CSMD1: variants seen among roughly 807,000 people sequenced by gnomAD.
The protein encoded by CSMD1 is CUB and sushi domain-containing protein 1.
In CSMD1, 213 loss-of-function variants were observed where a neutral mutation model predicts 417.5. The observed-to-expected ratio is 0.51, with a 90% CI of 0.46 to 0.57. CSMD1 has a LOEUF of 0.57. Ranked by LOEUF, CSMD1 falls within the 20% of genes least tolerant of loss-of-function variation. The pLI, the probability that CSMD1 is intolerant of heterozygous loss-of-function variation, is 0.00. For missense variants in CSMD1, 6,923 were observed against 4,529.7 expected (o/e 1.53, Z -15.17); for synonymous variants, 2,862 against 1,736.8 (o/e 1.65, Z -16.11).
chr8:3,952,016 C>A (rs1288886667), intron 5 of CSMD1, among the ~76,000 whole-genome samples: 1 of 152,004 alleles, frequency 6.6e-6, no homozygotes, highest in Non-Finnish European at 1.5e-5. Context: ...CATTTATGTC[C>A]AAGATGGATG....
intron 5 of CSMD1, among the ~76,000 whole-genome samples, chr8:3,990,565 A>T (rs144173325): frequency 6.6e-6 from 1 of 152,228 alleles, no homozygotes; most frequent in African/African-American, 2.4e-5. Context: ...ATAAATTAGA[A>T]AAGTGTCCCA....
chr8:3,492,405 G>C (rs914531997), intron 11 of CSMD1, among the ~76,000 whole-genome samples: 1 of 152,134 alleles, frequency 6.6e-6, no homozygotes, highest in Non-Finnish European at 1.5e-5. Context: ...GGCATCCTCA[G>C]TAGTATATAA....
chr8:4,190,021 G>A (rs894498786), intron 3 of CSMD1, among the ~76,000 whole-genome samples: 4 of 151,792 alleles, frequency 2.6e-5, no homozygotes, highest in African/African-American at 9.7e-5. Flanking sequence ...CACTTTGGGA[G>A]GCCAAGGCAG....
chr8:4,651,920 T>C (rs368643733), intron 1 of CSMD1, among the ~76,000 whole-genome samples: 5 of 152,214 alleles, frequency 3.3e-5, no homozygotes, highest in African/African-American at 7.2e-5. Flanking sequence ...TGTGCTAGTA[T>C]GATTTAGAGA....
At position 3,263,201 on chromosome 8, in the gene CSMD1, C is replaced by T. The variant is rs571564451; in HGVS notation, c.4153+20943G>A. Among the ~76,000 whole-genome samples, 145 of 152,248 alleles carry T rather than the reference C, an allele frequency of 9.5e-4. 1 individual carries two copies. In the Middle Eastern group the frequency reaches 0.01, roughly 11 times the overall value. On this transcript the variant is annotated intron_variant, in intron 26 of 69. Coordinates refer to ENST00000635120, the MANE Select transcript of CSMD1 (RefSeq NM_033225.6). Reference sequence around the variant, plus strand: ...GCAACCCCTGCCTCCTGGGTTCAAGCGATTCTCCTGCCTCAGCCTCCCGAG... The same window carrying T: ...GCAACCCCTGCCTCCTGGGTTCAAGTGATTCTCCTGCCTCAGCCTCCCGAG...
chr8:3,936,240 G>C (rs528363343), intron 5 of CSMD1, among the ~76,000 whole-genome samples: 6 of 151,252 alleles, frequency 4.0e-5, no homozygotes, highest in African/African-American at 1.2e-4. Context: ...AGCAGCAAGT[G>C]ATGATGGAAA....
intron 12 of CSMD1, among the ~76,000 whole-genome samples, chr8:3,435,545 T>C (rs11776630): frequency 6.6e-6 from 1 of 152,098 alleles, no homozygotes; most frequent in African/African-American, 2.4e-5. Flanking sequence ...CCTCTCCGCC[T>C]GCATGGAGAC....
At chr8:3,896,657 G>A (rs540962453) in intron 5 of CSMD1, among the ~76,000 whole-genome samples, 56 of 151,954 alleles carry the variant, frequency 3.7e-4, no homozygotes, top group African/African-American at 1.1e-3. Context: ...GACTACAGGC[G>A]CCCGCCACCA....
chr8:4,964,716 A>G (rs1424733260), intron 1 of CSMD1, among the ~76,000 whole-genome samples: 1 of 152,118 alleles, frequency 6.6e-6, no homozygotes, highest in Non-Finnish European at 1.5e-5. Context: ...ATGGTCACTA[A>G]GCCAAACTGA....
At chr8:4,163,979 G>C (rs949915461) in intron 3 of CSMD1, among the ~76,000 whole-genome samples, 7 of 152,102 alleles carry the variant, frequency 4.6e-5, no homozygotes, top group Admixed American at 6.6e-5. Flanking sequence ...GTGGTGATGT[G>C]GGATTGAGGA....
chr8:3,143,669 C>A (rs1162471556), intron 40 of CSMD1, among the ~76,000 whole-genome samples: 6 of 152,186 alleles, frequency 3.9e-5, no homozygotes, highest in African/African-American at 1.4e-4. Context: ...ACTGAGCCAA[C>A]TAACAGCAGT....
At chr8:4,105,385 G>T (rs1187375915) in intron 3 of CSMD1, among the ~76,000 whole-genome samples, 1 of 151,994 alleles carries the variant, frequency 6.6e-6, no homozygotes, top group African/African-American at 2.4e-5. Flanking sequence ...CTATGAATAA[G>T]AAGGTGTTTA....
At chr8:3,953,756 C>T (rs1483192390) in intron 5 of CSMD1, among the ~76,000 whole-genome samples, 1 of 152,072 alleles carries the variant, frequency 6.6e-6, no homozygotes, top group Non-Finnish European at 1.5e-5. Flanking sequence ...AGCTGCTCCA[C>T]GTGACAGCTG....
chr8:3,573,423 C>T (rs1000554128), intron 10 of CSMD1, among the ~76,000 whole-genome samples: 2 of 152,194 alleles, frequency 1.3e-5, no homozygotes, highest in African/African-American at 4.8e-5. Context: ...ACGGCTCTAG[C>T]ATACTGAGAA....
intron 10 of CSMD1, among the ~76,000 whole-genome samples, chr8:3,504,348 T>G (rs1796735283): frequency 6.6e-6 from 1 of 152,164 alleles, no homozygotes; most frequent in Non-Finnish European, 1.5e-5. Flanking sequence ...AAAGAATTGT[T>G]TAACCTTTCT....
chr8:3,544,619 G>T (rs753049324), intron 10 of CSMD1, among the ~76,000 whole-genome samples: 1 of 152,086 alleles, frequency 6.6e-6, no homozygotes, highest in Non-Finnish European at 1.5e-5. Flanking sequence ...AAAGGCGGGG[G>T]CCCTGGGAAC....
chr8:3,423,515 C>T (rs1036342540), intron 12 of CSMD1, among the ~76,000 whole-genome samples: 1 of 152,132 alleles, frequency 6.6e-6, no homozygotes, highest in African/African-American at 2.4e-5. Flanking sequence ...TAGTTATGAA[C>T]TTTTTGTTGC....
At chr8:4,559,870 G>T (rs1201518382) in intron 2 of CSMD1, among the ~76,000 whole-genome samples, 1 of 152,194 alleles carries the variant, frequency 6.6e-6, no homozygotes, top group African/African-American at 2.4e-5. Context: ...CCTTCTCCAG[G>T]AAAACGTTCT....
At chr8:3,869,722 G>T (rs986586864) in intron 5 of CSMD1, among the ~76,000 whole-genome samples, 15 of 152,072 alleles carry the variant, frequency 9.9e-5, no homozygotes, top group African/African-American at 3.4e-4. Context: ...GCTCATCCTG[G>T]CAGGACCCAC....
Sources: allele counts gnomAD v4.1 joint callset (sites outside exome capture counted in the v4.1 genomes callset), GRCh38; gene constraint gnomAD v4.1.1; transcripts MANE v1.5; gene names NCBI Gene and HGNC (gene_info 2026-07-23, HGNC 2026-07-21).